Variants in REDIC1 observed in about 807,000 individuals in gnomAD.
The protein encoded by REDIC1 is HEI10 Interacting Protein 1.
At chr12:39,643,341 A>G in the REDIC1 span, among the ~76,000 whole-genome samples, 11 of 150,966 alleles carry the variant, frequency 7.3e-5, no homozygotes, top group Non-Finnish European at 7.4e-5. Context: ...ATTTGCACAT[A>G]GCTTTTTTTT....
chr12:39,687,881 T>C, the REDIC1 span, among the ~76,000 whole-genome samples: 1 of 152,212 alleles, frequency 6.6e-6, no homozygotes, highest in East Asian at 1.9e-4. Flanking sequence ...CCTGAGTTGC[T>C]AAAGTCTTCA....
chr12:39,626,217 T>G, the REDIC1 span: 6 of 1,056,498 alleles, frequency 5.7e-6, no homozygotes, highest in African/African-American at 3.2e-5. Context: ...AGAAGGAGCT[T>G]ACTCGGGCCC....
At chr12:39,729,042 C>A in the REDIC1 span, among the ~76,000 whole-genome samples, 6 of 141,974 alleles carry the variant, frequency 4.2e-5, no homozygotes, top group South Asian at 1.4e-3. Context: ...CTATTTGATT[C>A]TTCTCTCTTC....
At chr12:39,763,527 C>T in the REDIC1 span, among the ~76,000 whole-genome samples, 1 of 152,002 alleles carries the variant, frequency 6.6e-6, no homozygotes, top group African/African-American at 2.4e-5. Context: ...ACAGTCCTGG[C>T]CCTCCAGGGA....
chr12:39,731,304 G>T, the REDIC1 span, among the ~76,000 whole-genome samples: 1 of 152,084 alleles, frequency 6.6e-6, no homozygotes. Flanking sequence ...TCTACCTTTG[G>T]TCTTTGATGT....
chr12:39,640,570 G>A, the REDIC1 span, among the ~76,000 whole-genome samples: 3 of 151,946 alleles, frequency 2.0e-5, no homozygotes, highest in South Asian at 6.2e-4. Context: ...GTTCTCTGTA[G>A]ATTTCAGTAG....
the REDIC1 span, among the ~76,000 whole-genome samples, chr12:39,748,405 C>T: frequency 2.6e-5 from 4 of 152,100 alleles, no homozygotes; most frequent in African/African-American, 7.2e-5. Context: ...TACAGGAGCA[C>T]CCAGATTCAT....
chr12:39,713,283 CGTGTATATATGTGTACACACACAT>C, the REDIC1 span, among the ~76,000 whole-genome samples: 1 of 23,906 alleles, frequency 4.2e-5, no homozygotes, highest in Non-Finnish European at 1.8e-4. Flanking sequence ...CACACACATA[CGTGTATATATGTGTACACACACAT>C]ACGTGTATAT....
the REDIC1 span, chr12:39,683,374 A>C: frequency 1.4e-6 from 2 of 1,406,262 alleles, no homozygotes; most frequent in Non-Finnish European, 2.0e-6. Context: ...AAAATAGACT[A>C]TGCTAAATTT....
the REDIC1 span, among the ~76,000 whole-genome samples, chr12:39,895,799 TATGCGTGTATACGTACAC>T: frequency 5.2e-5 from 5 of 96,968 alleles, 2 homozygotes; most frequent in African/African-American, 1.7e-4. Flanking sequence ...CACACATGTA[TATGCGTGTATACGTACAC>T]ACATGTATAT....
chr12:39,795,601 G>A, the REDIC1 span, among the ~76,000 whole-genome samples: 1 of 152,140 alleles, frequency 6.6e-6, no homozygotes, highest in Non-Finnish European at 1.5e-5. Context: ...TCTATGGAAT[G>A]ATTTGGGCTT....
At chr12:39,760,973 C>CACACACACACACACACACACACAT in the REDIC1 span, among the ~76,000 whole-genome samples, 26 of 151,332 alleles carry the variant, frequency 1.7e-4, no homozygotes, top group African/African-American at 6.1e-4. Context: ...CACACACACA[C>CACACACACACACACACACACACAT]ATAATTGAAT....
the REDIC1 span, among the ~76,000 whole-genome samples, chr12:39,763,079 T>C: frequency 1.3e-5 from 2 of 152,046 alleles, no homozygotes; most frequent in African/African-American, 4.8e-5. Flanking sequence ...TTAAGTGTTC[T>C]CTAGAATCAG....
At chr12:39,766,810 C>T in the REDIC1 span, among the ~76,000 whole-genome samples, 5 of 152,062 alleles carry the variant, frequency 3.3e-5, no homozygotes, top group Non-Finnish European at 5.9e-5. Context: ...ACTCCTTATC[C>T]GTTCAAGTTT....
At chr12:39,780,293 A>G in the REDIC1 span, among the ~76,000 whole-genome samples, 1 of 152,182 alleles carries the variant, frequency 6.6e-6, no homozygotes, top group East Asian at 1.9e-4. Context: ...TTCTCCTTCA[A>G]CATAATCATC....
the REDIC1 span, chr12:39,864,635 T>C: frequency 2.3e-6 from 3 of 1,292,066 alleles, no homozygotes; most frequent in Admixed American, 7.0e-5. Flanking sequence ...TCCCATTTTC[T>C]TCCCTTCTTA....
chr12:39,646,306 T>A, the REDIC1 span: 1 of 770,562 alleles, frequency 1.3e-6, no homozygotes, highest in Admixed American at 3.9e-5. Context: ...TTTAAAATTA[T>A]AATTATATAT....
chr12:39,741,199 C>G, the REDIC1 span, among the ~76,000 whole-genome samples: 1 of 152,166 alleles, frequency 6.6e-6, no homozygotes, highest in African/African-American at 2.4e-5. Context: ...ATGTCCATAT[C>G]TCTACCTGAA....
the REDIC1 span, among the ~76,000 whole-genome samples, chr12:39,841,614 T>C: frequency 6.6e-6 from 1 of 152,108 alleles, no homozygotes; most frequent in African/African-American, 2.4e-5. Flanking sequence ...TATATATACA[T>C]ACATGTATAA....
Sources: gnomAD v4.1 joint callset for allele counts (sites outside exome capture counted in the v4.1 genomes callset) on GRCh38, gnomAD v4.1.1 for gene constraint, MANE v1.5 for transcripts, NCBI Gene and HGNC (gene_info 2026-07-23, HGNC 2026-07-21) for gene names.